Variants in SOX5 observed in about 807,000 individuals in gnomAD.
SOX5 encodes the protein SRY-box transcription factor 5, also known as transcription factor SOX-5.
Under a neutral mutation model 92.0 loss-of-function variants are expected in SOX5, and 9 were observed. The ratio of observed to expected loss-of-function variants is 0.10; its 90% CI spans 0.06 to 0.17. The LOEUF is 0.17. Ranked by LOEUF, SOX5 falls within the 10% of genes least tolerant of loss-of-function variation. SOX5 has a pLI of 1.00. For synonymous variants in SOX5, 344 were observed against 336.3 expected, an observed-to-expected ratio of 1.02 and a Z score of -0.25; for missense variants, 642 against 944.5, an observed-to-expected ratio of 0.68 and a Z score of 4.20.
chr12:24,323,850 G>T (rs937627562), intron 2 of SOX5, among the ~76,000 whole-genome samples: 2 of 152,024 alleles, frequency 1.3e-5, no homozygotes, highest in African/African-American at 4.8e-5. Flanking sequence ...TTCAGATGGA[G>T]GAAGAGGCCA....
intron 1 of SOX5, among the ~76,000 whole-genome samples, chr12:24,467,600 G>A (rs1229283320): frequency 6.6e-6 from 1 of 152,162 alleles, no homozygotes; most frequent in Non-Finnish European, 1.5e-5. Flanking sequence ...GCAGGAAAGG[G>A]AAAAGACAAG....
At chr12:23,729,937 A>G (rs1224462109) in intron 6 of SOX5, among the ~76,000 whole-genome samples, 2 of 152,138 alleles carry the variant, frequency 1.3e-5, no homozygotes, top group South Asian at 2.1e-4. Context: ...GCCCAAAACT[A>G]TAGAAACCCT....
intron 4 of SOX5, among the ~76,000 whole-genome samples, chr12:23,962,786 T>C (rs569015448): frequency 4.7e-4 from 71 of 152,332 alleles, no homozygotes; most frequent in African/African-American, 1.7e-3. Flanking sequence ...ATTTTTGATC[T>C]AAAAATATTC....
chr12:24,361,631 G>GCGCA, intron 2 of SOX5, among the ~76,000 whole-genome samples: 1 of 151,674 alleles, frequency 6.6e-6, no homozygotes, highest in Non-Finnish European at 1.5e-5. Context: ...GTGTGTGTGT[G>GCGCA]TGCGCATGTG....
intron 4 of SOX5, among the ~76,000 whole-genome samples, chr12:24,146,158 C>T (rs537955336): frequency 5.3e-4 from 81 of 152,118 alleles, no homozygotes; most frequent in Non-Finnish European, 8.8e-4. Flanking sequence ...ATTGGTAGAA[C>T]GTTCTACCCA....
At position 23,820,219 on chromosome 12, in the gene SOX5, A is replaced by G. The variant is rs535114262; in HGVS notation, c.481+25764T>C. On this transcript the variant is annotated intron_variant, in intron 3 of 14. Transcript: ENST00000451604. Reference sequence around the variant, plus strand: ...TTTTTCATGTTTTTTGGCCGCATAAATGTCTTCTTTTGAGAAGTGTCTGTT... The same window carrying G: ...TTTTTCATGTTTTTTGGCCGCATAAGTGTCTTCTTTTGAGAAGTGTCTGTT... Among the ~76,000 whole-genome samples the G allele has an allele frequency of 1.7e-4, 26 of 152,248 alleles. No individual in the cohort carries two copies. The South Asian group carries it at 5.4e-3, about 32-fold the overall frequency.
At chr12:23,625,004 A>G (rs1304366336) in intron 8 of SOX5, among the ~76,000 whole-genome samples, 2 of 152,162 alleles carry the variant, frequency 1.3e-5, no homozygotes, top group African/African-American at 4.8e-5. Flanking sequence ...CTATATATGT[A>G]TAATATACCA....
intron 4 of SOX5, among the ~76,000 whole-genome samples, chr12:24,048,420 G>A (rs753220790): frequency 6.6e-6 from 1 of 152,158 alleles, no homozygotes; most frequent in African/African-American, 2.4e-5. Flanking sequence ...ATAAACAGGA[G>A]CAGTTCCTGT....
intron 2 of SOX5, among the ~76,000 whole-genome samples, chr12:24,312,042 G>A: frequency 6.6e-6 from 1 of 152,042 alleles, no homozygotes; most frequent in East Asian, 1.9e-4. Flanking sequence ...TGGTAGTTGA[G>A]AAATTAAGGC....
intron 4 of SOX5, among the ~76,000 whole-genome samples, chr12:24,064,422 G>T (rs2137316944): frequency 6.6e-6 from 1 of 152,252 alleles, no homozygotes; most frequent in South Asian, 2.1e-4. Context: ...ATCAGAAAAG[G>T]TATGTGCTCA....
At chr12:23,994,748 C>A (rs1950879079) in intron 4 of SOX5, among the ~76,000 whole-genome samples, 1 of 152,044 alleles carries the variant, frequency 6.6e-6, no homozygotes, top group African/African-American at 2.4e-5. Context: ...GCTAATATAT[C>A]CACCATTATG....
chr12:24,036,461 G>T (rs1956048713), intron 4 of SOX5, among the ~76,000 whole-genome samples: 1 of 152,140 alleles, frequency 6.6e-6, no homozygotes, highest in Non-Finnish European at 1.5e-5. Flanking sequence ...CAAGGTAACT[G>T]ATATTTCTCT....
At chr12:23,826,148 A>G (rs1026941621) in intron 3 of SOX5, among the ~76,000 whole-genome samples, 21 of 151,702 alleles carry the variant, frequency 1.4e-4, no homozygotes, top group African/African-American at 3.1e-4. Context: ...AACATTAGGT[A>G]TATCTCCTAA....
At chr12:24,541,910 T>C (rs543368051) in intron 1 of SOX5, among the ~76,000 whole-genome samples, 48 of 152,322 alleles carry the variant, frequency 3.2e-4, no homozygotes, top group Non-Finnish European at 5.4e-4. Context: ...TTTAGTCACG[T>C]AGCAGGCCAC....
At chr12:24,270,890 G>T (rs138247276) in intron 3 of SOX5, among the ~76,000 whole-genome samples, 2 of 152,096 alleles carry the variant, frequency 1.3e-5, no homozygotes, top group African/African-American at 4.8e-5. Flanking sequence ...GTCATTGTAC[G>T]ATTGTTCTAT....
At chr12:23,660,210 C>T (rs1008383126) in intron 7 of SOX5, among the ~76,000 whole-genome samples, 1 of 152,044 alleles carries the variant, frequency 6.6e-6, no homozygotes, top group Non-Finnish European at 1.5e-5. Flanking sequence ...TTTTTCCTTT[C>T]AAAACAAGAT....
At chr12:23,548,572 G>A (rs889983401) in intron 11 of SOX5, among the ~76,000 whole-genome samples, 2 of 151,984 alleles carry the variant, frequency 1.3e-5, no homozygotes, top group African/African-American at 4.8e-5. Flanking sequence ...GCAGGAAATG[G>A]AGAATGTGAG....
intron 4 of SOX5, among the ~76,000 whole-genome samples, chr12:23,972,650 C>T (rs992638310): frequency 6.6e-6 from 1 of 151,994 alleles, no homozygotes; most frequent in Non-Finnish European, 1.5e-5. Flanking sequence ...TGAGCCACTG[C>T]GCCAGGCCCT....
At chr12:24,514,716 T>C (rs1949624475) in intron 1 of SOX5, among the ~76,000 whole-genome samples, 9 of 152,166 alleles carry the variant, frequency 5.9e-5, no homozygotes, top group Admixed American at 5.9e-4. Flanking sequence ...TGGAATACTA[T>C]GCAGCCATAA....
Sources: allele counts gnomAD v4.1 joint callset (sites outside exome capture counted in the v4.1 genomes callset), GRCh38; gene constraint gnomAD v4.1.1; transcripts MANE v1.5; gene names NCBI Gene and HGNC (gene_info 2026-07-23, HGNC 2026-07-21).